The following SPSB1 variants were observed in gnomAD, a reference collection of about 807,000 sequenced individuals.
The protein encoded by SPSB1 is splA/ryanodine receptor domain and SOCS box containing 1.
In SPSB1, 8 loss-of-function variants were observed where a neutral mutation model predicts 21.2. That is an observed-to-expected ratio of 0.38 (90% CI 0.22 to 0.68). The LOEUF (loss-of-function observed/expected upper bound fraction) is 0.68, where lower values mean the gene tolerates loss of function less well. SPSB1 is among the 30% of genes least tolerant of loss of function. SPSB1 has a pLI of 0.53. For missense variants in SPSB1, 242 were observed against 377.8 expected (o/e 0.64, Z 2.98); for synonymous variants, 169 against 161.7 (o/e 1.05, Z -0.34).
In SPSB1 at chr1:9,355,809, C is replaced by T; in HGVS notation, c.-83C>T. 1 of 1,503,084 alleles carries T rather than the reference C, an allele frequency of 6.7e-7. No individual in the cohort carries two copies. Among genetic ancestry groups the T allele is most frequent in the South Asian group, 1.4e-5 (1 of 72,560 alleles). 93.1% of individuals were successfully genotyped at this position (1,503,084 alleles called of 1,614,324 possible). Reference sequence around the variant, plus strand: ...GCCCTCATTAGGAATTCTGTCTGGCCCCGATCAGAATACTGGAGACGAGAC... The same window carrying T: ...GCCCTCATTAGGAATTCTGTCTGGCTCCGATCAGAATACTGGAGACGAGAC... On this transcript the variant is annotated 5_prime_UTR_variant, in exon 2 of 3. Transcript: ENST00000328089.
At chr1:9,347,614 C>T (rs1640183365) in intron 1 of SPSB1, among the ~76,000 whole-genome samples, 1 of 152,212 alleles carries the variant, frequency 6.6e-6, no homozygotes, top group Non-Finnish European at 1.5e-5. Flanking sequence ...ATTTGCTTTA[C>T]AAATGCGACA....
chr1:9,309,251 G>A (rs1352297883), intron 1 of SPSB1, among the ~76,000 whole-genome samples: 2 of 151,294 alleles, frequency 1.3e-5, no homozygotes, highest in African/African-American at 4.9e-5. Flanking sequence ...ATTCCTGTGT[G>A]CTCCCCTGCG....
In SPSB1 at chr1:9,346,479, C is replaced by T. The variant is rs960457438; in HGVS notation, c.-149-9264C>T. Among the ~76,000 whole-genome samples the T allele has an allele frequency of 6.6e-6, 1 of 152,166 alleles. No individual in the cohort carries two copies. The highest frequency in any genetic ancestry group is 2.4e-5 in the African/African-American group (1 of 41,434). Reference sequence around the variant, plus strand: ...CTACATCCCCAAAAGAGGGTGTAGCCGTTCCTTCAACAGACCTCTTCCTAA... The same window carrying T: ...CTACATCCCCAAAAGAGGGTGTAGCTGTTCCTTCAACAGACCTCTTCCTAA... On this transcript the variant is annotated intron_variant, in intron 1 of 2. Transcript: ENST00000328089. The surrounding 1 kb of genome is among the most constrained non-coding windows in gnomAD (Gnocchi z 4.4).
At chr1:9,313,261 G>C (rs368121681) in intron 1 of SPSB1, among the ~76,000 whole-genome samples, 2 of 152,286 alleles carry the variant, frequency 1.3e-5, no homozygotes, top group South Asian at 2.1e-4. Flanking sequence ...GTAGCCAGAC[G>C]TGGTGCCGGG....
At chr1:9,299,183 C>T (rs964259549) in intron 1 of SPSB1, among the ~76,000 whole-genome samples, 5 of 152,258 alleles carry the variant, frequency 3.3e-5, no homozygotes, top group African/African-American at 4.8e-5. Context: ...GACGAATGCC[C>T]TTCTCTTTAT....
intron 1 of SPSB1, among the ~76,000 whole-genome samples, chr1:9,295,055 C>G (rs1000806338): frequency 2.0e-5 from 3 of 152,186 alleles, no homozygotes; most frequent in African/African-American, 7.2e-5. Context: ...GTTACTGTCC[C>G]CAGCACTGAG....
chr1:9,343,388 A>G (rs556093683), intron 1 of SPSB1, among the ~76,000 whole-genome samples: 1 of 152,342 alleles, frequency 6.6e-6, no homozygotes, highest in African/African-American at 2.4e-5. Flanking sequence ...CTTCCTTCAC[A>G]TTAATATAAA....
At position 9,346,953 on chromosome 1, in the gene SPSB1, C is replaced by T. The variant is rs1019876975; in HGVS notation, c.-149-8790C>T. 5.3e-5 allele frequency among the ~76,000 whole-genome samples: 8 copies of T among 152,236 alleles called. No individual in the cohort carries two copies. Among genetic ancestry groups the T allele is most frequent in the Non-Finnish European group, 1.0e-4 (7 of 68,052 alleles). On this transcript the variant is annotated intron_variant, in intron 1 of 2. Coordinates refer to ENST00000328089, the MANE Select transcript of SPSB1 (RefSeq NM_025106.4). This position sits in a 1 kb window ranked among gnomAD's most constrained non-coding sequence, Gnocchi z 4.4. ...TATAATCGGAAGTCTTGGGATAGAT[C>T]ACTGTAGAAATAATGTCCCTCTTCG...
chr1:9,293,056 C>T lies in SPSB1; in HGVS notation c.-165C>T, dbSNP rs1639146451. The T allele has an allele frequency of 5.1e-6, 5 of 980,878 alleles. No homozygotes were observed. Among genetic ancestry groups the T allele is most frequent in the Non-Finnish European group, 3.6e-6 (3 of 827,250 alleles). 60.8% of individuals were successfully genotyped at this position (980,878 alleles called of 1,614,324 possible). On this transcript the variant is annotated 5_prime_UTR_variant, in exon 1 of 3. Transcript: ENST00000328089. The surrounding 1 kb of genome is among the most constrained non-coding windows in gnomAD (Gnocchi z 5.1). ...CGGCCTTGGAGAGCAGCGGCGGCGG[C>T]GGCACCCCGGGCGCGGTAGGCGGCG...
chr1:9,353,918 C>CA (rs35366582), intron 1 of SPSB1, among the ~76,000 whole-genome samples: 73,572 of 141,632 alleles, frequency 0.52, 18,795 homozygotes, highest in Middle Eastern at 0.58. Flanking sequence ...AACTCCATCT[C>CA]AAAAAAAAAA....
At chr1:9,339,143 C>A in intron 1 of SPSB1, 9 of 915,650 alleles carry the variant, frequency 9.8e-6, no homozygotes, top group Non-Finnish European at 1.2e-5. Flanking sequence ...TGCGGGGGCT[C>A]CGGAGGTCCT....
At chr1:9,313,410 A>G (rs1035365347) in intron 1 of SPSB1, among the ~76,000 whole-genome samples, 1 of 152,104 alleles carries the variant, frequency 6.6e-6, no homozygotes, top group Non-Finnish European at 1.5e-5. Flanking sequence ...TTCATTTTCT[A>G]TAAAATGAAA....
chr1:9,361,137 T>G (rs1569662271), intron 2 of SPSB1, among the ~76,000 whole-genome samples: 1 of 140,400 alleles, frequency 7.1e-6, no homozygotes, highest in East Asian at 2.3e-4. Context: ...TGGCCAGGCA[T>G]GGCTGGATCT....
intron 1 of SPSB1, among the ~76,000 whole-genome samples, chr1:9,312,666 G>C (rs1374572560): frequency 2.6e-5 from 4 of 152,134 alleles, no homozygotes; most frequent in Non-Finnish European, 5.9e-5. Context: ...CTCATGAGCT[G>C]AATTTTGCAA....
chr1:9,359,366 G>A (rs1011441789), intron 2 of SPSB1, among the ~76,000 whole-genome samples: 5 of 152,222 alleles, frequency 3.3e-5, no homozygotes, highest in African/African-American at 7.2e-5. Flanking sequence ...CGCTTAACCC[G>A]ACACCTCTGG....
chr1:9,327,011 C>T (rs1006279949), intron 1 of SPSB1, among the ~76,000 whole-genome samples: 5 of 152,166 alleles, frequency 3.3e-5, no homozygotes, highest in Non-Finnish European at 7.3e-5. Context: ...AGCCTCCTTG[C>T]ACCTGGGGGT....
At position 9,357,090 on chromosome 1, in the gene SPSB1, TG is replaced by T. The variant is rs1294083848; in HGVS notation, c.694+507del. 3.5e-3 allele frequency among the ~76,000 whole-genome samples: 322 copies of T among 92,202 alleles called. 1 individual carries two copies. The highest frequency in any genetic ancestry group is 5.6e-3 in the Non-Finnish European group (235 of 42,200). 60.5% of individuals were successfully genotyped at this position (92,202 alleles called of 152,430 possible). On this transcript the variant is annotated intron_variant, in intron 2 of 2. Transcript: ENST00000328089. ...ATAAATGAACGGATGGATGGGTGGG[TG>T]GATGGATGGATGGATGGATGAGTGG...
chr1:9,343,669 A>G (rs1021808345), intron 1 of SPSB1, among the ~76,000 whole-genome samples: 1 of 152,200 alleles, frequency 6.6e-6, no homozygotes, highest in African/African-American at 2.4e-5. Context: ...GTATGCCGAT[A>G]CAGTTTTTTC....
chr1:9,294,092 C>G (rs1004990616), intron 1 of SPSB1, among the ~76,000 whole-genome samples: 1 of 115,164 alleles, frequency 8.7e-6, no homozygotes, highest in Admixed American at 9.3e-5. Context: ...CTGTGTATGT[C>G]TGTGTGTCTT....
Sources: allele counts gnomAD v4.1 joint callset (sites outside exome capture counted in the v4.1 genomes callset), GRCh38; gene constraint gnomAD v4.1.1; non-coding constraint Gnocchi (gnomAD v3.1); transcripts MANE v1.5; gene names NCBI Gene and HGNC (gene_info 2026-07-23, HGNC 2026-07-21).